C10orf67: variants seen among roughly 807,000 people sequenced by gnomAD.
The protein encoded by C10orf67 is chromosome 10 open reading frame 67, also known as uncharacterized protein C10orf67, mitochondrial.
C10orf67 carries 60 observed loss-of-function variants against 35.6 expected under a neutral mutation model. The ratio of observed to expected loss-of-function variants is 1.68; its 90% CI spans 1.37 to 2.09. The LOEUF (loss-of-function observed/expected upper bound fraction) is 2.09. Ranked by LOEUF, C10orf67 falls within the 30% of genes most tolerant of loss-of-function variation. C10orf67 has a pLI of 0.00. For synonymous variants in C10orf67, 167 were observed against 115.8 expected (o/e 1.44, Z -2.84); for missense variants, 474 against 330.2 (o/e 1.44, Z -3.38).
At chr10:23,301,566 G>T (rs1177092177) in intron 5 of C10orf67, among the ~76,000 whole-genome samples, 1 of 152,194 alleles carries the variant, frequency 6.6e-6, no homozygotes, top group African/African-American at 2.4e-5. Context: ...TCCCAAGATG[G>T]TGGTGGGCCA....
At chr10:23,255,075 T>A (rs764255537) in intron 10 of C10orf67, among the ~76,000 whole-genome samples, 1 of 152,296 alleles carries the variant, frequency 6.6e-6, no homozygotes, top group South Asian at 2.1e-4. Context: ...ACACCAGTAA[T>A]GTGCCAGTGG....
At chr10:23,325,749 T>C (rs1735348730) in intron 2 of C10orf67, among the ~76,000 whole-genome samples, 1 of 151,248 alleles carries the variant, frequency 6.6e-6, no homozygotes, top group Admixed American at 6.6e-5. Flanking sequence ...ATTCCAATAT[T>C]ACCAAAATGT....
At chr10:23,324,315 A>G (rs2132351411) in intron 2 of C10orf67, among the ~76,000 whole-genome samples, 1 of 151,118 alleles carries the variant, frequency 6.6e-6, no homozygotes, top group Non-Finnish European at 1.5e-5. Flanking sequence ...GTCACTTGCT[A>G]CTCCTTCCTC....
chr10:23,274,478 A>G (rs1475433184), intron 8 of C10orf67, among the ~76,000 whole-genome samples: 1 of 152,078 alleles, frequency 6.6e-6, no homozygotes, highest in African/African-American at 2.4e-5. Context: ...AATTATTAAT[A>G]TTTCTTGCTG....
chr10:23,230,606 A>G lies in C10orf67; in HGVS notation c.1435-6788T>C, dbSNP rs113561896. Among the ~76,000 whole-genome samples, 930 of 152,328 alleles carry G rather than the reference A, an allele frequency of 6.1e-3. 5 individuals carry two copies. The highest frequency in any genetic ancestry group is 1.0e-2 in the Non-Finnish European group (680 of 68,026). ...AAGTTATATAAATAATTCCTATGAA[A>G]AAATAAATGTGAAATAAACCAATAG... On this transcript the variant is annotated intron_variant, in intron 13 of 15. Transcript: ENST00000636213.
intron 10 of C10orf67, among the ~76,000 whole-genome samples, chr10:23,255,236 G>A (rs1842569352): frequency 6.6e-6 from 1 of 152,068 alleles, no homozygotes; most frequent in South Asian, 2.1e-4. Flanking sequence ...GTCATGACGG[G>A]GGCCAAAAAT....
chr10:23,270,969 T>C (rs10828419), intron 8 of C10orf67, among the ~76,000 whole-genome samples: 21,399 of 152,064 alleles, frequency 0.14, 2,950 homozygotes, highest in East Asian at 0.71. Flanking sequence ...TTAAAAGACA[T>C]AAAATGGCAA....
At chr10:23,277,323 T>A (rs1843221795) in intron 8 of C10orf67, among the ~76,000 whole-genome samples, 1 of 152,038 alleles carries the variant, frequency 6.6e-6, no homozygotes, top group South Asian at 2.1e-4. Context: ...GAGGCTGAGA[T>A]GGGTGGATCA....
chr10:23,242,828 A>G (rs1475072807), intron 12 of C10orf67, among the ~76,000 whole-genome samples: 1 of 152,156 alleles, frequency 6.6e-6, no homozygotes, highest in Non-Finnish European at 1.5e-5. Context: ...AGGAGAGAAG[A>G]AGAAATATAA....
chr10:23,211,247 C>T (rs1026520563), intron 15 of C10orf67, among the ~76,000 whole-genome samples: 2 of 152,158 alleles, frequency 1.3e-5, no homozygotes, highest in East Asian at 1.9e-4. Flanking sequence ...CTTGTGGTTG[C>T]ATCACTCCAA....
At chr10:23,276,253 G>T (rs113170288) in intron 8 of C10orf67, among the ~76,000 whole-genome samples, 191 of 152,278 alleles carry the variant, frequency 1.3e-3, no homozygotes, top group African/African-American at 4.5e-3. Context: ...AGTGGGAACA[G>T]ACAAACCCAT....
At chr10:23,266,545 T>C (rs1842887926) in intron 9 of C10orf67, 119 bp from the exon 10 acceptor site, 1 of 396,560 alleles carries the variant, frequency 2.5e-6, no homozygotes, top group Non-Finnish European at 4.4e-6. Context: ...TTTTCAGTCC[T>C]AGAGCGCATG....
chr10:23,302,674 G>A (rs554193932), intron 5 of C10orf67, among the ~76,000 whole-genome samples: 8 of 152,294 alleles, frequency 5.3e-5, no homozygotes, highest in African/African-American at 1.9e-4. Flanking sequence ...AGATGACAAT[G>A]AATTCGTTCT....
At chr10:23,230,843 A>G (rs974157637) in intron 13 of C10orf67, among the ~76,000 whole-genome samples, 1 of 152,246 alleles carries the variant, frequency 6.6e-6, no homozygotes, top group Non-Finnish European at 1.5e-5. Flanking sequence ...GCTGAAGACC[A>G]TATGGAACAC....
At chr10:23,209,792 G>T (rs980544846) in intron 15 of C10orf67, among the ~76,000 whole-genome samples, 5 of 152,022 alleles carry the variant, frequency 3.3e-5, no homozygotes, top group African/African-American at 1.2e-4. Flanking sequence ...TTGAGCTCAG[G>T]AGTTCAAGAC....
intron 10 of C10orf67, among the ~76,000 whole-genome samples, chr10:23,262,872 A>G (rs1842789157): frequency 6.6e-6 from 1 of 152,232 alleles, no homozygotes; most frequent in South Asian, 2.1e-4. Flanking sequence ...AGCAGAATCT[A>G]AAGATTAATT....
At chr10:23,213,899 G>A (rs1234901805) in intron 15 of C10orf67, among the ~76,000 whole-genome samples, 2 of 151,186 alleles carry the variant, frequency 1.3e-5, no homozygotes, top group Non-Finnish European at 3.0e-5. Flanking sequence ...TTAAAAAGTA[G>A]ATTTTACTAA....
intron 5 of C10orf67, among the ~76,000 whole-genome samples, chr10:23,298,680 T>A (rs1843970090): frequency 6.6e-6 from 1 of 152,184 alleles, no homozygotes; most frequent in African/African-American, 2.4e-5. Flanking sequence ...CATTCCTCAC[T>A]GAGGGTCCTG....
intron 5 of C10orf67, among the ~76,000 whole-genome samples, chr10:23,291,802 C>G (rs918452752): frequency 2.0e-5 from 3 of 152,098 alleles, no homozygotes; most frequent in African/African-American, 7.2e-5. Flanking sequence ...AGGCTGGGAG[C>G]CGCATGGAGT....
Sources: gnomAD v4.1 joint callset for allele counts (sites outside exome capture counted in the v4.1 genomes callset) on GRCh38, gnomAD v4.1.1 for gene constraint, MANE v1.5 for transcripts, NCBI Gene and HGNC (gene_info 2026-07-23, HGNC 2026-07-21) for gene names.